JMJD1C: variants seen among roughly 807,000 people sequenced by gnomAD.
JMJD1C encodes jumonji domain-containing protein 1C.
A neutral mutation model predicts 245.3 loss-of-function variants in JMJD1C; 31 were observed. The observed-to-expected ratio is 0.13, with a 90% CI of 0.09 to 0.17. The LOEUF (loss-of-function observed/expected upper bound fraction) is 0.17. JMJD1C is among the 10% of genes least tolerant of loss of function. JMJD1C has a pLI of 1.00. For missense variants in JMJD1C, 2,691 were observed against 3,000.2 expected (o/e 0.90, Z 2.41); for synonymous variants, 1,057 against 1,017.4 (o/e 1.04, Z -0.74).
chr10:63,484,589 T>A (rs1953935219), intron 1 of JMJD1C, among the ~76,000 whole-genome samples: 1 of 151,740 alleles, frequency 6.6e-6, no homozygotes, highest in South Asian at 2.1e-4. Flanking sequence ...AAACATAAGA[T>A]CTTGATGATC....
intron 3 of JMJD1C, among the ~76,000 whole-genome samples, chr10:63,231,286 A>C (rs1043332453): frequency 6.6e-6 from 1 of 152,256 alleles, no homozygotes; most frequent in Non-Finnish European, 1.5e-5. Flanking sequence ...CTGTCAGTTT[A>C]GAGAACAGAA....
chr10:63,404,167 G>C (rs1589682847), intron 1 of JMJD1C, among the ~76,000 whole-genome samples: 2 of 152,168 alleles, frequency 1.3e-5, no homozygotes, highest in Admixed American at 6.5e-5. Context: ...ACAATATTTG[G>C]ACAGATATTT....
At chr10:63,283,100 G>C (rs1857588263) in intron 2 of JMJD1C, among the ~76,000 whole-genome samples, 1 of 152,072 alleles carries the variant, frequency 6.6e-6, no homozygotes, top group African/African-American at 2.4e-5. Flanking sequence ...ATCTAACTGG[G>C]AAAGAAAAAA....
chr10:63,295,938 C>T (rs28507211), intron 2 of JMJD1C, among the ~76,000 whole-genome samples: 19 of 115,178 alleles, frequency 1.6e-4, no homozygotes, highest in South Asian at 3.0e-4. Context: ...CATGTGTATA[C>T]ATATATATAT....
intron 2 of JMJD1C, among the ~76,000 whole-genome samples, chr10:63,371,525 A>T (rs1356042945): frequency 1.3e-5 from 2 of 152,148 alleles, no homozygotes; most frequent in Non-Finnish European, 2.9e-5. Flanking sequence ...TCATTTTTTT[A>T]ATCTGCAGCT....
intron 2 of JMJD1C, among the ~76,000 whole-genome samples, chr10:63,349,390 T>G (rs1589549243): frequency 6.6e-6 from 1 of 152,304 alleles, no homozygotes; most frequent in East Asian, 1.9e-4. Context: ...TCGATACCAG[T>G]TTTGCGTTCT....
chr10:63,464,157 A>G (rs1170407275), intron 1 of JMJD1C, among the ~76,000 whole-genome samples: 3 of 152,136 alleles, frequency 2.0e-5, no homozygotes, highest in Admixed American at 6.5e-5. Flanking sequence ...AATACTTTTT[A>G]AGGAAGATTA....
At chr10:63,264,117 A>G (rs1855219642) in intron 3 of JMJD1C, among the ~76,000 whole-genome samples, 1 of 151,998 alleles carries the variant, frequency 6.6e-6, no homozygotes, top group Admixed American at 6.6e-5. Flanking sequence ...ATTAAAAGCT[A>G]ATAGTCAACT....
intron 14 of JMJD1C, among the ~76,000 whole-genome samples, chr10:63,193,854 A>C (rs1027857590): frequency 6.6e-6 from 1 of 151,914 alleles, no homozygotes; most frequent in East Asian, 1.9e-4. Context: ...TTTTAGTAGA[A>C]ACGGGGTTTC....
At position 63,427,742 on chromosome 10, in the gene JMJD1C, C is replaced by T. The variant is rs753476397; in HGVS notation, c.168+37753G>A. 9.0e-5 allele frequency: 124 copies of T among 1,375,924 alleles called. 2 individuals are homozygous for T. The South Asian group carries it at 1.3e-3, about 15-fold the overall frequency. The allele number at this position is 1,375,924 out of a possible 1,614,324, so 85.2% of individuals were successfully genotyped here. ...AGAAGTGTCCAGGAATTTGGTCTTGCCCAGTTCAAAAGCAACGTGACCAAG... is the reference window on the plus strand; with the variant it reads ...AGAAGTGTCCAGGAATTTGGTCTTGTCCAGTTCAAAAGCAACGTGACCAAG... On this transcript the variant is annotated intron_variant, in intron 1 of 25. Coordinates refer to ENST00000399262, the MANE Select transcript of JMJD1C (RefSeq NM_032776.3).
At chr10:63,309,392 GC>G (rs2134037132) in intron 2 of JMJD1C, among the ~76,000 whole-genome samples, 1 of 150,484 alleles carries the variant, frequency 6.6e-6, no homozygotes, top group South Asian at 2.1e-4. Flanking sequence ...TACTCAGGAG[GC>G]TGAGGCAGGG....
chr10:63,243,988 C>A (rs1228320482), intron 3 of JMJD1C, among the ~76,000 whole-genome samples: 2 of 152,186 alleles, frequency 1.3e-5, no homozygotes, highest in African/African-American at 4.8e-5. Context: ...AGGTGGACAA[C>A]CAGCTTCCCT....
At chr10:63,327,255 A>G (rs73294328) in intron 2 of JMJD1C, among the ~76,000 whole-genome samples, 3,756 of 152,258 alleles carry the variant, frequency 0.025, 152 homozygotes, top group African/African-American at 0.086. Flanking sequence ...AGAACACAAT[A>G]ATAATAATAT....
intron 2 of JMJD1C, among the ~76,000 whole-genome samples, chr10:63,378,978 T>C (rs1211062296): frequency 1.3e-5 from 2 of 152,140 alleles, no homozygotes; most frequent in African/African-American, 2.4e-5. Context: ...CTTTCAATAT[T>C]ATATTTTGTT....
intron 2 of JMJD1C, among the ~76,000 whole-genome samples, chr10:63,339,355 T>TA (rs917070779): frequency 1.3e-5 from 2 of 152,268 alleles, no homozygotes; most frequent in East Asian, 1.9e-4. Context: ...ACAAAAAAAA[T>TA]AGAGCTTCAA....
chr10:63,311,883 C>T (rs568420857), intron 2 of JMJD1C, among the ~76,000 whole-genome samples: 17 of 152,076 alleles, frequency 1.1e-4, no homozygotes, highest in East Asian at 5.8e-4. Flanking sequence ...CAACGCTGCA[C>T]GGTACATAGT....
intron 1 of JMJD1C, among the ~76,000 whole-genome samples, chr10:63,489,004 C>G (rs1954083781): frequency 6.6e-6 from 1 of 152,228 alleles, no homozygotes; most frequent in African/African-American, 2.4e-5. Flanking sequence ...CCTATCACCT[C>G]ATGATGTCAT....
intron 2 of JMJD1C, among the ~76,000 whole-genome samples, chr10:63,265,709 AAAAAGTT>A (rs1198966526): frequency 6.6e-6 from 1 of 152,202 alleles, no homozygotes; most frequent in East Asian, 1.9e-4. Flanking sequence ...TTTAACTGGA[AAAAAGTT>A]CGGAAAACAG....
intron 2 of JMJD1C, among the ~76,000 whole-genome samples, chr10:63,342,549 T>C (rs934138322): frequency 6.6e-6 from 1 of 152,240 alleles, no homozygotes; most frequent in Non-Finnish European, 1.5e-5. Context: ...AACCTTTTAA[T>C]CAAAACACAG....
Sources: gnomAD v4.1 joint callset for allele counts (sites outside exome capture counted in the v4.1 genomes callset) on GRCh38, gnomAD v4.1.1 for gene constraint, MANE v1.5 for transcripts, NCBI Gene and HGNC (gene_info 2026-07-23, HGNC 2026-07-21) for gene names.